Variants in RANBP2 observed in about 807,000 individuals in gnomAD.
RANBP2 encodes the protein RAN binding protein 2.
RANBP2 carries 57 observed loss-of-function variants against 303.6 expected under a neutral mutation model. The observed-to-expected ratio is 0.19, with a 90% CI of 0.15 to 0.23. The LOEUF (loss-of-function observed/expected upper bound fraction) is 0.23. RANBP2 is among the 10% of genes least tolerant of loss of function. The pLI is 1.00. For missense variants in RANBP2, 3,138 were observed against 3,780.8 expected (o/e 0.83, Z 4.46); for synonymous variants, 1,167 against 1,301.5 (o/e 0.90, Z 2.23).
chr2:109,682,287 A>G, the RANBP2 span, among the ~76,000 whole-genome samples: 1 of 152,046 alleles, frequency 6.6e-6, no homozygotes, highest in Non-Finnish European at 1.5e-5. Context: ...TCAGATACAC[A>G]ATGAATGTTT....
the RANBP2 span, among the ~76,000 whole-genome samples, chr2:109,301,158 C>T: frequency 1.3e-5 from 2 of 152,170 alleles, no homozygotes; most frequent in Non-Finnish European, 2.9e-5. Context: ...TTAGATTAGT[C>T]CAAAGACAGC....
At chr2:108,999,061 G>A in the RANBP2 span, among the ~76,000 whole-genome samples, 1 of 152,196 alleles carries the variant, frequency 6.6e-6, no homozygotes, top group Admixed American at 6.5e-5. Flanking sequence ...GCTTATTGTC[G>A]AGCTGACTAT....
At chr2:109,455,213 G>T in the RANBP2 span, among the ~76,000 whole-genome samples, 1 of 152,172 alleles carries the variant, frequency 6.6e-6, no homozygotes, top group Non-Finnish European at 1.5e-5. Context: ...GTCCCACAGT[G>T]AGACATCCAG....
rs1558908350 is a variant in RANBP2, at chr2:108,755,081, C to T, written c.2379C>T (p.Tyr793=). 6.2e-7 allele frequency: 1 copy of T among 1,611,880 alleles called. No homozygotes were observed. Among genetic ancestry groups the T allele is most frequent in the Non-Finnish European group, 8.5e-7 (1 of 1,179,832 alleles). ...TRYSLSPSKS[Y]KYSPKTPPRW... is the part of the protein sequence containing the mutation. ...ATTCACTATCACCAAGTAAAAGTTA[C>T]AAGGTAAACAGGAAAGAATGGAATC... is the stretch of plus-strand genomic sequence containing the variant. Residue 793 remains tyrosine, a synonymous_variant, in exon 16 of 29, where the codon TAC becomes TAT. Transcript: ENST00000283195.
the RANBP2 span, among the ~76,000 whole-genome samples, chr2:109,213,606 AC>A: frequency 7.2e-5 from 11 of 152,198 alleles, no homozygotes; most frequent in Admixed American, 1.3e-4. Flanking sequence ...GCTGTGTCCA[AC>A]ACAGCAGGCA....
Position 108,755,667 on chromosome 2 carries a change from G to A in RANBP2, c.2466+408G>A, listed in dbSNP as rs183355365. Among the ~76,000 whole-genome samples the A allele has an allele frequency of 1.8e-4, 28 of 151,814 alleles. 1 individual carries two copies. The East Asian group carries it at 5.1e-3, about 27-fold the overall frequency. On this transcript the variant is annotated intron_variant, in intron 17 of 28. Transcript: ENST00000283195. ...TTCAGCCTCCCAAAGTGCTGGGATT[G>A]CAGGTGTGAGCCACTGTGCCCAGCC...
intron 8 of RANBP2, 90 bp downstream of exon 8, chr2:108,746,888 A>G: frequency 1.6e-6 from 1 of 636,794 alleles, no homozygotes; most frequent in East Asian, 2.8e-5. Flanking sequence ...TCTGTCCAGG[A>G]GATAATTTGT....
In RANBP2 at chr2:108,767,423, A is replaced by G. The variant is rs1299951541; in HGVS notation, c.6884A>G (p.Glu2295Gly). The G allele has an allele frequency of 6.2e-7, 1 of 1,611,920 alleles. No homozygotes were observed. The highest frequency in any genetic ancestry group is 2.2e-5 in the East Asian group (1 of 44,868). The change falls in exon 20 of 29, where the codon GAA becomes GGA. Residue 2295 changes from glutamate (E) to glycine (G), a missense_variant. Physicochemically the swap from Glu to Gly is moderately conservative, Grantham distance 98. Transcript: ENST00000283195. ...AGTGGGACTTCAGTTGGCACTGATG[A>G]AGAATCTGATGTTACTCAAGAAGAA... is the stretch of plus-strand genomic sequence containing the variant. The part of the protein sequence containing the change: ...NQSGTSVGTD[E>G]ESDVTQEEER...
chr2:109,284,091 G>T, the RANBP2 span, among the ~76,000 whole-genome samples: 1 of 152,152 alleles, frequency 6.6e-6, no homozygotes, highest in East Asian at 1.9e-4. Context: ...GGCCTTCCCA[G>T]ATCCACCGTA....
the RANBP2 span, among the ~76,000 whole-genome samples, chr2:109,253,004 A>G: frequency 8.7e-3 from 1,320 of 152,168 alleles, 22 homozygotes; most frequent in African/African-American, 0.03. Context: ...ATGTAGACCC[A>G]CATGTGTAGC....
chr2:109,430,072 A>C, the RANBP2 span, among the ~76,000 whole-genome samples: 2 of 152,176 alleles, frequency 1.3e-5, no homozygotes, highest in East Asian at 1.9e-4. Flanking sequence ...GTCAGCAGCT[A>C]GGGCGTGTTC....
At chr2:109,691,825 C>G in the RANBP2 span, among the ~76,000 whole-genome samples, 6 of 151,990 alleles carry the variant, frequency 3.9e-5, no homozygotes, top group Admixed American at 1.3e-4. Context: ...CTCTGTCACC[C>G]AGGCTAGAGC....
At chr2:109,650,135 C>T in the RANBP2 span, among the ~76,000 whole-genome samples, 1 of 152,148 alleles carries the variant, frequency 6.6e-6, no homozygotes, top group South Asian at 2.1e-4. Flanking sequence ...ACAAAAGTCG[C>T]TGAGATGATG....
the RANBP2 span, among the ~76,000 whole-genome samples, chr2:109,324,579 T>C: frequency 6.6e-6 from 1 of 152,240 alleles, no homozygotes; most frequent in Non-Finnish European, 1.5e-5. Context: ...ACCAGGTTGA[T>C]GATCTGTTGA....
chr2:109,509,938 A>C, the RANBP2 span, among the ~76,000 whole-genome samples: 1 of 152,176 alleles, frequency 6.6e-6, no homozygotes, highest in Non-Finnish European at 1.5e-5. Context: ...GGCAAATACT[A>C]TAGGGCAAAG....
the RANBP2 span, among the ~76,000 whole-genome samples, chr2:108,827,795 G>A: frequency 2.1e-4 from 31 of 144,488 alleles, no homozygotes; most frequent in Admixed American, 4.3e-4. Flanking sequence ...CAGCCTGGGC[G>A]ACAGAGAGAG....
chr2:109,484,063 CTTTCTTTT>C, the RANBP2 span, among the ~76,000 whole-genome samples: 3 of 139,480 alleles, frequency 2.2e-5, no homozygotes, highest in Non-Finnish European at 3.1e-5. Context: ...ATCCTCTGGC[CTTTCTTTT>C]TTTTTTTTTT....
At chr2:109,126,965 T>C in the RANBP2 span, among the ~76,000 whole-genome samples, 2 of 152,180 alleles carry the variant, frequency 1.3e-5, no homozygotes, top group Non-Finnish European at 2.9e-5. Flanking sequence ...CTCTAAAAAA[T>C]TCCCCTTGTT....
the RANBP2 span, among the ~76,000 whole-genome samples, chr2:109,247,600 A>G: frequency 6.6e-6 from 1 of 152,196 alleles, no homozygotes; most frequent in Non-Finnish European, 1.5e-5. Flanking sequence ...TTCTCTTTGT[A>G]AACAAAGGTG....
Sources: allele counts gnomAD v4.1 joint callset (sites outside exome capture counted in the v4.1 genomes callset), GRCh38; gene constraint gnomAD v4.1.1; transcripts MANE v1.5; gene names NCBI Gene and HGNC (gene_info 2026-07-23, HGNC 2026-07-21).